Variants in RAB27B observed in about 807,000 individuals in gnomAD.
RAB27B encodes ras-related protein Rab-27B.
Under a neutral mutation model 24.6 loss-of-function variants are expected in RAB27B, and 15 were observed. The observed-to-expected ratio is 0.61, with a 90% CI of 0.41 to 0.94. The LOEUF is 0.94. RAB27B is among the 40% of genes least tolerant of loss of function. The pLI is 0.00. For synonymous variants in RAB27B, 105 were observed against 92.5 expected (o/e 1.14, Z -0.78); for missense variants, 261 against 266.8 (o/e 0.98, Z 0.15).
chr18:54,783,033 C>T (rs1013300102), intron 2 of RAB27B, among the ~76,000 whole-genome samples: 2 of 152,044 alleles, frequency 1.3e-5, no homozygotes, highest in African/African-American at 4.8e-5. Flanking sequence ...TCTCAGCTCA[C>T]CACAACCTCC....
At chr18:54,816,168 T>G (rs1910114714) in intron 2 of RAB27B, among the ~76,000 whole-genome samples, 1 of 152,210 alleles carries the variant, frequency 6.6e-6, no homozygotes, top group South Asian at 2.1e-4. Flanking sequence ...GGTTGTTCCT[T>G]GTCATGGCCA....
At position 54,891,221 on chromosome 18, in the gene RAB27B, T is replaced by C. The variant is rs1472625077; in HGVS notation, c.*1808T>C. ...CCAAGGAAATGTCTCTTTATAATGTTCTTAGGATGGACTAGACCCATAAAT... is the reference window on the plus strand; with the variant it reads ...CCAAGGAAATGTCTCTTTATAATGTCCTTAGGATGGACTAGACCCATAAAT... On this transcript the variant is annotated 3_prime_UTR_variant, in exon 6 of 6. Coordinates refer to ENST00000262094, the MANE Select transcript of RAB27B (RefSeq NM_004163.4). The C allele has an allele frequency of 6.6e-6, 1 of 152,058 alleles. No homozygotes were observed. Among genetic ancestry groups the C allele is most frequent in the African/African-American group, 2.4e-5 (1 of 41,408 alleles). 9.4% of individuals were successfully genotyped at this position (152,058 alleles called of 1,614,324 possible).
chr18:54,801,020 T>G (rs200201601), intron 2 of RAB27B, among the ~76,000 whole-genome samples: 3 of 145,008 alleles, frequency 2.1e-5, no homozygotes, highest in Middle Eastern at 3.3e-3. Context: ...TTTTTTTTTT[T>G]TTTTTTTTTT....
chr18:54,751,650 G>A (rs1907834747), intron 2 of RAB27B, among the ~76,000 whole-genome samples: 1 of 152,158 alleles, frequency 6.6e-6, no homozygotes, highest in South Asian at 2.1e-4. Flanking sequence ...AAAAACCAGA[G>A]CATATTCATG....
intron 2 of RAB27B, among the ~76,000 whole-genome samples, chr18:54,815,175 T>A (rs1910083915): frequency 6.6e-6 from 1 of 152,214 alleles, no homozygotes; most frequent in African/African-American, 2.4e-5. Context: ...AATATTTTTC[T>A]CATTGAAAAT....
At chr18:54,755,570 C>T (rs1333174956) in intron 2 of RAB27B, among the ~76,000 whole-genome samples, 1 of 152,124 alleles carries the variant, frequency 6.6e-6, no homozygotes, top group Non-Finnish European at 1.5e-5. Flanking sequence ...TAGGTGATTT[C>T]CCCTTCCAGG....
At chr18:54,767,963 A>G (rs1908417097) in intron 2 of RAB27B, among the ~76,000 whole-genome samples, 1 of 152,142 alleles carries the variant, frequency 6.6e-6, no homozygotes, top group Non-Finnish European at 1.5e-5. Context: ...GGATATAGTA[A>G]TAAATAAGAG....
chr18:54,877,674 C>A lies in RAB27B; in HGVS notation c.89C>A (p.Thr30Lys). The change falls in exon 2 of 6, where the codon ACA (threonine) becomes AAA (lysine). Residue 30 changes from threonine (T) to lysine (K), a missense_variant. Transcript: ENST00000262094. ...VGKTTFLYRY[T>K]DNKFNPKFIT... ...AAGACAACATTTCTTTATAGATACA[C>A]AGATAATAAATTCAATCCCAAATTC... 19 of 1,596,788 alleles carry A rather than the reference C, an allele frequency of 1.2e-5. No individual in the cohort carries two copies. Among genetic ancestry groups the A allele is most frequent in the Non-Finnish European group, 1.6e-5 (19 of 1,175,238 alleles).
chr18:54,874,573 A>G (rs1279077988), intron 1 of RAB27B, among the ~76,000 whole-genome samples: 1 of 152,086 alleles, frequency 6.6e-6, no homozygotes, highest in Non-Finnish European at 1.5e-5. Flanking sequence ...AAAAAAAAAA[A>G]AAAAAAGTTA....
intron 2 of RAB27B, among the ~76,000 whole-genome samples, chr18:54,800,480 T>C (rs1909566002): frequency 6.6e-6 from 1 of 152,230 alleles, no homozygotes; most frequent in Admixed American, 6.5e-5. Flanking sequence ...CACTGGGCAT[T>C]AATTCCTTTT....
chr18:54,729,308 A>T (rs1172551792), intron 2 of RAB27B, among the ~76,000 whole-genome samples: 1 of 152,174 alleles, frequency 6.6e-6, no homozygotes, highest in Non-Finnish European at 1.5e-5. Flanking sequence ...ATAAGAGACT[A>T]GGGAGAAAAG....
chr18:54,888,167 G>A (rs4343367), intron 5 of RAB27B, 49 bp downstream of exon 5: 1,582,644 of 1,593,020 alleles, frequency 0.99, 786,615 homozygotes, highest in Non-Finnish European at 1. Flanking sequence ...CTGCTGTTCA[G>A]CAAATGGAGC....
At chr18:54,766,932 C>T (rs745948024) in intron 2 of RAB27B, among the ~76,000 whole-genome samples, 1 of 152,146 alleles carries the variant, frequency 6.6e-6, no homozygotes, top group Non-Finnish European at 1.5e-5. Context: ...AAGATTATGA[C>T]TGGTTCAGTT....
chr18:54,772,941 G>T (rs559825981), intron 2 of RAB27B, among the ~76,000 whole-genome samples: 2 of 151,942 alleles, frequency 1.3e-5, no homozygotes, highest in Non-Finnish European at 2.9e-5. Flanking sequence ...AATTTAATTC[G>T]GTGCTCCTTT....
At chr18:54,803,290 A>G (rs1909668137) in intron 2 of RAB27B, among the ~76,000 whole-genome samples, 1 of 152,198 alleles carries the variant, frequency 6.6e-6, no homozygotes, top group South Asian at 2.1e-4. Context: ...AGTTGGAAGT[A>G]GCAAGCTATG....
At chr18:54,771,591 AGTGTGTGTGTGTGTGTGT>A (rs36228307) in intron 2 of RAB27B, among the ~76,000 whole-genome samples, 6,039 of 144,992 alleles carry the variant, frequency 0.042, 196 homozygotes, top group Admixed American at 0.082. Context: ...CTGATAGTTT[AGTGTGTGTGTGTGTGTGT>A]GTGTGTGTGT....
chr18:54,807,466 G>A (rs142065234), intron 2 of RAB27B, among the ~76,000 whole-genome samples: 4 of 152,158 alleles, frequency 2.6e-5, no homozygotes, highest in Non-Finnish European at 4.4e-5. Context: ...TAATCTCCTC[G>A]GGAACTTGGA....
intron 1 of RAB27B, among the ~76,000 whole-genome samples, chr18:54,874,080 T>C (rs1357276161): frequency 6.6e-6 from 1 of 152,184 alleles, no homozygotes; most frequent in African/African-American, 2.4e-5. Flanking sequence ...GGCAGGTTTA[T>C]GTACAAAAGA....
chr18:54,868,690 C>T (rs1912344069), intron 1 of RAB27B, among the ~76,000 whole-genome samples: 2 of 151,956 alleles, frequency 1.3e-5, no homozygotes, highest in Admixed American at 1.3e-4. Context: ...ATGGCGTGAT[C>T]TCAACTCACT....
Sources: gnomAD v4.1 joint callset for allele counts (sites outside exome capture counted in the v4.1 genomes callset) on GRCh38, gnomAD v4.1.1 for gene constraint, MANE v1.5 for transcripts, NCBI Gene and HGNC (gene_info 2026-07-23, HGNC 2026-07-21) for gene names.